CHD9: variants seen among roughly 807,000 people sequenced by gnomAD.
The protein encoded by CHD9 is ATP-dependent chromatin remodeler CHD9.
CHD9 carries 77 observed loss-of-function variants against 316.1 expected under a neutral mutation model. That is an observed-to-expected ratio of 0.24 (90% confidence interval 0.20 to 0.29). The LOEUF (loss-of-function observed/expected upper bound fraction) is 0.29, where lower values mean the gene tolerates loss of function less well. Among genes scored for constraint, CHD9 ranks in the 10% least tolerant of loss-of-function variants. The pLI is 1.00. For missense variants in CHD9, 2,763 were observed against 3,438.1 expected, an observed-to-expected ratio of 0.80 and a Z score of 4.91; for synonymous variants, 1,129 against 1,158.3, an observed-to-expected ratio of 0.97 and a Z score of 0.51.
At chr16:53,123,806 T>G (rs1255891626) in intron 1 of CHD9, among the ~76,000 whole-genome samples, 1 of 152,154 alleles carries the variant, frequency 6.6e-6, no homozygotes, top group East Asian at 1.9e-4. Context: ...CCGGCCTAAT[T>G]TTTTTAAAAT....
Position 53,219,967 on chromosome 16 carries a change from C to T in CHD9, c.1785-2677C>T, listed in dbSNP as rs113796074. On this transcript the variant is annotated intron_variant, in intron 3 of 38. Coordinates refer to ENST00000447540, the MANE Select transcript of CHD9 (RefSeq NM_001308319.2). ...GATTATAGTTGGTTGAGGAATGAAACGGAAATGACTCTTGAGAACTTTGGA... is the reference window on the plus strand; with the variant it reads ...GATTATAGTTGGTTGAGGAATGAAATGGAAATGACTCTTGAGAACTTTGGA... Among the ~76,000 whole-genome samples the T allele has an allele frequency of 3.6e-3, 551 of 152,166 alleles. 6 individuals are homozygous for T. The highest frequency in any genetic ancestry group is 0.011 in the African/African-American group (437 of 41,524).
intron 1 of CHD9, among the ~76,000 whole-genome samples, chr16:53,110,346 C>G (rs968333816): frequency 6.6e-6 from 1 of 152,184 alleles, no homozygotes; most frequent in East Asian, 1.9e-4. Flanking sequence ...AATGTAATCC[C>G]AGTGCTTTGG....
chr16:53,322,378 C>T (rs538883465), intron 38 of CHD9, among the ~76,000 whole-genome samples: 43 of 150,420 alleles, frequency 2.9e-4, no homozygotes, highest in African/African-American at 9.7e-4. Context: ...GAGGCCGAGG[C>T]GGGTGGATCA....
intron 2 of CHD9, among the ~76,000 whole-genome samples, chr16:53,171,094 G>A (rs2042681099): frequency 6.6e-6 from 1 of 152,012 alleles, no homozygotes; most frequent in Admixed American, 6.6e-5. Flanking sequence ...TTTTAGGATT[G>A]GCATATTTTA....
chr16:53,243,066 A>G (rs1469159848), intron 13 of CHD9, 50 bp downstream of exon 13: 1 of 1,360,394 alleles, frequency 7.4e-7, no homozygotes, highest in South Asian at 1.2e-5. Context: ...TTAGATGTAT[A>G]GTGAAAGGTT....
chr16:53,294,642 G>A (rs2054623080), intron 29 of CHD9, among the ~76,000 whole-genome samples: 1 of 152,124 alleles, frequency 6.6e-6, no homozygotes, highest in South Asian at 2.1e-4. Flanking sequence ...GGCAGAAGCT[G>A]CAGATTTCTT....
chr16:53,073,065 C>T (rs536990037), intron 1 of CHD9, among the ~76,000 whole-genome samples: 26 of 152,322 alleles, frequency 1.7e-4, no homozygotes, highest in African/African-American at 6.0e-4. Context: ...GTAACCATCA[C>T]CACTATCCAT....
chr16:53,208,311 G>T, intron 2 of CHD9: 2 of 1,280,040 alleles, frequency 1.6e-6, no homozygotes, highest in Non-Finnish European at 2.0e-6. Context: ...TTTGTCTGAC[G>T]CCAAAAATGT....
At chr16:53,208,129 A>T (rs2046029591) in intron 2 of CHD9, 1 of 1,064,356 alleles carries the variant, frequency 9.4e-7, no homozygotes, top group African/African-American at 1.7e-5. Flanking sequence ...AATAGGATGA[A>T]CAGTAGATAT....
intron 2 of CHD9, among the ~76,000 whole-genome samples, chr16:53,170,387 G>C (rs1333085466): frequency 6.6e-6 from 1 of 151,948 alleles, no homozygotes; most frequent in Non-Finnish European, 1.5e-5. Flanking sequence ...TGAATATTTG[G>C]CCAGAGGAAG....
chr16:53,182,524 AAG>A (rs1442397461), intron 2 of CHD9, among the ~76,000 whole-genome samples: 2 of 152,320 alleles, frequency 1.3e-5, no homozygotes, highest in East Asian at 1.9e-4. Context: ...TATCTGGAAA[AAG>A]AGTATGATAA....
chr16:53,216,548 T>G (rs1331062605), intron 3 of CHD9, among the ~76,000 whole-genome samples: 1 of 152,212 alleles, frequency 6.6e-6, no homozygotes, highest in Non-Finnish European at 1.5e-5. Context: ...GATCATCTTT[T>G]GGAACTGAAC....
chr16:53,310,399 G>C (rs34081965), intron 34 of CHD9, among the ~76,000 whole-genome samples: 18,477 of 151,952 alleles, frequency 0.12, 1,310 homozygotes, highest in South Asian at 0.24. Flanking sequence ...CCTCAGTGGG[G>C]CTTAATAATA....
chr16:53,245,223 A>G lies in CHD9; in HGVS notation c.3055-113A>G, dbSNP rs2049480272. 4 of 683,148 alleles carry G rather than the reference A, an allele frequency of 5.9e-6. No individual in the cohort carries two copies. Among genetic ancestry groups the G allele is most frequent in the Non-Finnish European group, 9.2e-6 (4 of 436,552 alleles). The allele number at this position is 683,148 out of a possible 1,614,324, so 42.3% of individuals were successfully genotyped here. A position where few individuals can be genotyped will look rare whatever the true frequency, so the allele number is the denominator to read the frequency against. ...ACACACACACACATAACATATATAT[A>G]TGTATATATAGTCAGAAAAATATTT... On this transcript the variant is annotated intron_variant, in intron 13 of 38. Coordinates refer to ENST00000447540, the MANE Select transcript of CHD9 (RefSeq NM_001308319.2). The surrounding 1 kb of genome is among the most constrained non-coding windows in gnomAD (Gnocchi z 4.1).
chr16:53,243,630 A>T (rs2049300831), intron 13 of CHD9, among the ~76,000 whole-genome samples: 2 of 152,168 alleles, frequency 1.3e-5, no homozygotes, highest in South Asian at 2.1e-4. Flanking sequence ...GTAGACTAAG[A>T]CCATAAGTTT....
chr16:53,161,413 A>G (rs1369491921), intron 2 of CHD9, among the ~76,000 whole-genome samples: 1 of 152,154 alleles, frequency 6.6e-6, no homozygotes, highest in Non-Finnish European at 1.5e-5. Flanking sequence ...TATATTAATA[A>G]GGAGTTCTTA....
At chr16:53,306,521 G>A in intron 32 of CHD9, 124 bp downstream of exon 32, 1 of 713,228 alleles carries the variant, frequency 1.4e-6, no homozygotes, top group Non-Finnish European at 2.1e-6. Flanking sequence ...ACATTTTGGT[G>A]TTAGCTCCAA....
intron 1 of CHD9, among the ~76,000 whole-genome samples, chr16:53,073,289 C>T (rs986053036): frequency 2.0e-5 from 3 of 152,086 alleles, no homozygotes; most frequent in Admixed American, 1.3e-4. Context: ...AAGGTTCATC[C>T]GTGTCGTAGC....
chr16:53,089,347 G>A (rs893111975), intron 1 of CHD9, among the ~76,000 whole-genome samples: 12 of 152,200 alleles, frequency 7.9e-5, no homozygotes, highest in Admixed American at 7.9e-4. Flanking sequence ...AAAACTGAAG[G>A]TGCTTGCTAT....
Sources: gnomAD v4.1 joint callset for allele counts (sites outside exome capture counted in the v4.1 genomes callset) on GRCh38, gnomAD v4.1.1 for gene constraint, Gnocchi (gnomAD v3.1) non-coding constraint, MANE v1.5 for transcripts, NCBI Gene and HGNC (gene_info 2026-07-23, HGNC 2026-07-21) for gene names.